Variants in BBX observed in about 807,000 individuals in gnomAD.
BBX encodes HMG box transcription factor BBX.
BBX carries 30 observed loss-of-function variants against 100.2 expected under a neutral mutation model. That is an observed-to-expected ratio of 0.30 (90% CI 0.22 to 0.41). The LOEUF (loss-of-function observed/expected upper bound fraction) is 0.41, where lower values mean the gene tolerates loss of function less well. Ranked by LOEUF, BBX falls within the 10% of genes least tolerant of loss-of-function variation. The pLI, the probability that BBX is intolerant of heterozygous loss-of-function variation, is 1.00. For synonymous variants in BBX, 376 were observed against 388.1 expected (o/e 0.97, Z 0.37); for missense variants, 1,023 against 1,129.8 (o/e 0.91, Z 1.35).
At chr3:107,563,333 G>A (rs536523381) in intron 2 of BBX, among the ~76,000 whole-genome samples, 20 of 152,272 alleles carry the variant, frequency 1.3e-4, no homozygotes, top group African/African-American at 3.6e-4. Context: ...GAGCCAGACT[G>A]AAGGCAGTAC....
At chr3:107,633,346 G>A (rs956923128) in intron 2 of BBX, among the ~76,000 whole-genome samples, 1 of 151,998 alleles carries the variant, frequency 6.6e-6, no homozygotes, top group East Asian at 1.9e-4. Context: ...GAAAAGTTCT[G>A]TACTATCTTT....
At chr3:107,631,175 A>T (rs1462208833) in intron 2 of BBX, among the ~76,000 whole-genome samples, 1 of 152,176 alleles carries the variant, frequency 6.6e-6, no homozygotes, top group Admixed American at 6.5e-5. Context: ...AGTCTTTTCC[A>T]TTACAATAGA....
intron 15 of BBX, among the ~76,000 whole-genome samples, chr3:107,796,578 T>C (rs2107989632): frequency 6.6e-6 from 1 of 152,316 alleles, no homozygotes; most frequent in Non-Finnish European, 1.5e-5. Context: ...TATTTAATGC[T>C]CATTGTAAAT....
intron 2 of BBX, among the ~76,000 whole-genome samples, chr3:107,573,762 T>C (rs2051558086): frequency 6.6e-6 from 1 of 152,244 alleles, no homozygotes; most frequent in Non-Finnish European, 1.5e-5. Context: ...GTTTCGCTCT[T>C]GTTGCCCAGG....
chr3:107,669,952 G>C lies in BBX; in HGVS notation c.-10+24043G>C, dbSNP rs192407289. On this transcript the variant is annotated intron_variant, in intron 3 of 17. Transcript: ENST00000325805. ...AAATGGAAAACAGATAAACTTTTTAGTTTTTATTTTGAAAATATTACTTTA... is the reference window on the plus strand; with the variant it reads ...AAATGGAAAACAGATAAACTTTTTACTTTTTATTTTGAAAATATTACTTTA... 1.2e-4 allele frequency among the ~76,000 whole-genome samples: 19 copies of C among 152,126 alleles called. 1 individual carries two copies. The highest frequency in any genetic ancestry group is 1.2e-3 in the Admixed American group (19 of 15,272).
At chr3:107,566,922 T>C (rs375584567) in intron 2 of BBX, among the ~76,000 whole-genome samples, 1 of 152,176 alleles carries the variant, frequency 6.6e-6, no homozygotes, top group African/African-American at 2.4e-5. Context: ...TTTGATGTAC[T>C]GTTTCCTATG....
chr3:107,553,606 A>C (rs1033134385), intron 2 of BBX, among the ~76,000 whole-genome samples: 1 of 152,212 alleles, frequency 6.6e-6, no homozygotes, highest in African/African-American at 2.4e-5. Context: ...AACTGAGTTA[A>C]GGACAAGAAA....
At chr3:107,738,792 T>G (rs1259934923) in intron 7 of BBX, among the ~76,000 whole-genome samples, 1 of 152,224 alleles carries the variant, frequency 6.6e-6, no homozygotes, top group Non-Finnish European at 1.5e-5. Flanking sequence ...GAGTGCTTTC[T>G]GGGGCCAGGC....
chr3:107,595,630 C>T (rs904441302), intron 2 of BBX, among the ~76,000 whole-genome samples: 3 of 152,144 alleles, frequency 2.0e-5, no homozygotes, highest in African/African-American at 7.2e-5. Flanking sequence ...TTGTATTAGG[C>T]CCCTCCTTTC....
intron 2 of BBX, among the ~76,000 whole-genome samples, chr3:107,613,514 T>TA (rs915113523): frequency 3.3e-5 from 5 of 151,900 alleles, no homozygotes; most frequent in African/African-American, 1.2e-4. Flanking sequence ...GTGTGAACTA[T>TA]ACAGAATTGT....
chr3:107,752,267 A>G (rs1022656307), intron 9 of BBX, among the ~76,000 whole-genome samples: 1 of 152,220 alleles, frequency 6.6e-6, no homozygotes, highest in Non-Finnish European at 1.5e-5. Context: ...GTACAAATTT[A>G]ATGCATTTAT....
At chr3:107,567,586 T>C (rs1297465773) in intron 2 of BBX, among the ~76,000 whole-genome samples, 1 of 152,226 alleles carries the variant, frequency 6.6e-6, no homozygotes, top group Non-Finnish European at 1.5e-5. Context: ...ATTTGCCTGC[T>C]GTATGGTTTC....
chr3:107,594,352 C>T (rs557992449), intron 2 of BBX, among the ~76,000 whole-genome samples: 1 of 152,262 alleles, frequency 6.6e-6, no homozygotes, highest in South Asian at 2.1e-4. Flanking sequence ...GCCCTTATTC[C>T]TGTCAGTCTT....
At position 107,712,031 on chromosome 3, in the gene BBX, A is replaced by T. The variant is rs2061757205; in HGVS notation, c.162+1409A>T. Among the ~76,000 whole-genome samples, 3 of 152,054 alleles carry T rather than the reference A, an allele frequency of 2.0e-5. No individual in the cohort carries two copies. The South Asian group carries it at 6.2e-4, about 31-fold the overall frequency. On this transcript the variant is annotated intron_variant, in intron 4 of 17. Coordinates refer to ENST00000325805, the MANE Select transcript of BBX (RefSeq NM_001142568.3). ...GTTGGGACCACAGGCACACACCACT[A>T]AGCCCAGCTAATTTTGTTTATATTT...
intron 3 of BBX, among the ~76,000 whole-genome samples, chr3:107,668,508 G>C (rs1054306702): frequency 6.6e-6 from 1 of 152,124 alleles, no homozygotes; most frequent in Non-Finnish European, 1.5e-5. Flanking sequence ...AATAAACATT[G>C]GGCTTGCGTT....
chr3:107,721,532 C>T (rs1009655588), intron 5 of BBX, among the ~76,000 whole-genome samples: 2 of 151,842 alleles, frequency 1.3e-5, no homozygotes, highest in African/African-American at 2.4e-5. Flanking sequence ...GATAGTAAAC[C>T]TAAAGATGTG....
intron 16 of BBX, 130 bp downstream of exon 16, chr3:107,798,850 A>AT (rs1303378847): frequency 1.2e-5 from 12 of 1,007,430 alleles, no homozygotes; most frequent in Middle Eastern, 3.1e-4. Flanking sequence ...AAAAAAAAAA[A>AT]CAAAAACAAA....
At chr3:107,714,426 A>G (rs1175822804) in intron 4 of BBX, among the ~76,000 whole-genome samples, 3 of 152,114 alleles carry the variant, frequency 2.0e-5, no homozygotes, top group Non-Finnish European at 2.9e-5. Flanking sequence ...TCCCCCTCCC[A>G]AAACATGAGG....
At chr3:107,639,801 G>A (rs1486695960) in intron 2 of BBX, among the ~76,000 whole-genome samples, 2 of 152,082 alleles carry the variant, frequency 1.3e-5, no homozygotes, top group African/African-American at 4.8e-5. Context: ...AATGTATATT[G>A]AAATTGGTAG....
Sources: allele counts gnomAD v4.1 joint callset (sites outside exome capture counted in the v4.1 genomes callset), GRCh38; gene constraint gnomAD v4.1.1; transcripts MANE v1.5; gene names NCBI Gene and HGNC (gene_info 2026-07-23, HGNC 2026-07-21).